Variants in DCHS1 observed in about 807,000 individuals in gnomAD.
DCHS1 encodes dachsous cadherin-related 1.
In DCHS1, 78 loss-of-function variants were observed where a neutral mutation model predicts 213.9. That is an observed-to-expected ratio of 0.36 (90% CI 0.30 to 0.44). DCHS1 has a LOEUF of 0.44. DCHS1 is among the 20% of genes least tolerant of loss of function. The pLI is 1.00. For synonymous variants in DCHS1, 1,828 were observed against 1,873.7 expected (o/e 0.98, Z 0.63); for missense variants, 3,946 against 4,395.9 (o/e 0.90, Z 2.89).
In DCHS1 at chr11:6,655,614, G is replaced by T. The variant is rs1856304732; in HGVS notation, c.-172C>A. 6.1e-6 allele frequency: 6 copies of T among 979,938 alleles called. No individual in the cohort carries two copies. The highest frequency in any genetic ancestry group is 4.7e-5 in the South Asian group (1 of 21,266). The allele number at this position is 979,938 out of a possible 1,614,324, so 60.7% of individuals were successfully genotyped here. A position where few individuals can be genotyped will look rare whatever the true frequency, so the allele number is the denominator to read the frequency against. ...CGGTGCTGGGGCGCCGTCCGGCCGC[G>T]GTCAGCCCCCCGGGCAGCGCCCGCT... On this transcript the variant is annotated 5_prime_UTR_variant, in exon 1 of 21. Coordinates refer to ENST00000299441, the MANE Select transcript of DCHS1 (RefSeq NM_003737.4).
At chr11:6,647,520 T>C (rs71472604) in intron 1 of DCHS1, among the ~76,000 whole-genome samples, 7,382 of 152,186 alleles carry the variant, frequency 0.049, 253 homozygotes, top group Non-Finnish European at 0.067. Flanking sequence ...TGAGGACAGA[T>C]GTGAGCAAAA....
chr11:6,631,122 A>G lies in DCHS1; in HGVS notation c.3861T>C (p.Tyr1287=). 3 of 1,613,532 alleles carry G rather than the reference A, an allele frequency of 1.9e-6. No homozygotes were observed. The highest frequency in any genetic ancestry group is 1.7e-6 in the Non-Finnish European group (2 of 1,179,614). ...GGTCATGAGCACTCAGTGTCAGCAC[A>G]TAGTGGGGCCGCTCTGCTCGGATCA... ...APLIRAERPH[Y]VLTLSAHDQG... is the part of the protein sequence containing the mutation. The change falls in exon 9 of 21, where the codon TAT becomes TAC. Residue 1287 remains tyrosine (Y), a synonymous_variant. Coordinates refer to ENST00000299441, the MANE Select transcript of DCHS1 (RefSeq NM_003737.4).
At position 6,623,377 on chromosome 11, in the gene DCHS1, A is replaced by G. The variant is rs765133574; in HGVS notation, c.8299T>C (p.Leu2767=). Residue 2767 remains leucine, a synonymous_variant, in exon 21 of 21, where the codon TTG becomes CTG. Transcript: ENST00000299441. ...TAGTCAAAGGGCACTCGCGCACGCA[A>G]CTCCCCTGTTGAGCTGTTCAGTGCA... is the stretch of plus-strand genomic sequence containing the variant. ...AFALNSSTGE[L]RARVPFDYEH... is the part of the protein sequence containing the mutation. 1.9e-6 allele frequency: 3 copies of G among 1,598,096 alleles called. No individual in the cohort carries two copies. In the Admixed American group the frequency reaches 5.2e-5, roughly 28 times the overall value.
rs893253869 is a variant in DCHS1, at chr11:6,626,995, G to A, written c.6044C>T (p.Ser2015Phe). 2 of 1,613,672 alleles carry A rather than the reference G, an allele frequency of 1.2e-6. No homozygotes were observed. The highest frequency in any genetic ancestry group is 3.3e-5 in the Admixed American group (2 of 60,000). The change falls in exon 14 of 21, where the codon TCT becomes TTT. Residue 2015 changes from serine to phenylalanine, a missense_variant. Physicochemically the swap from Ser to Phe is radical, Grantham distance 155 (BLOSUM62 -2). Transcript: ENST00000299441. This position sits in a 1 kb window ranked among gnomAD's most constrained non-coding sequence, Gnocchi z 5.2. ...GTPPPGTTVDSYTGEIRVARS... is the reference protein window; with the variant it reads ...GTPPPGTTVDFYTGEIRVARS... ...GGCCACGCGGATTTCACCAGTGTAA[G>A]AGTCCACAGTAGTGCCAGGAGGTGG...
rs1305990073 is a variant in DCHS1 at position 6,630,558 on chromosome 11, C to A, written c.4236G>T (p.Pro1412=). 6.5e-7 allele frequency: 1 copy of A among 1,536,456 alleles called. No individual in the cohort carries two copies. The highest frequency in any genetic ancestry group is 2.4e-5 in the East Asian group (1 of 40,876). ...GCAGCAGCCGCGCGCCCGCGCCTCC[C>A]GGCCCCTCAGCGCGTACCGTAAGCG... is the stretch of plus-strand genomic sequence containing the variant. ...WRALTVRAEG[P]GGAGARLLRV... Residue 1412 remains proline, a synonymous_variant, in exon 10 of 21, where the codon CCG becomes CCT. Transcript: ENST00000299441.
In DCHS1 at chr11:6,630,821, C is replaced by G; in HGVS notation, c.3973G>C (p.Ala1325Pro). ...ACTGGTGCCGCTGGGTCCCGCTCTG[C>G]GAGATCTGGGGGCGGCTCGGCCAAG... ...ARLAEPPPDL[A>P]ERDPAAPVPV... The change falls in exon 10 of 21, where the codon GCA (alanine) becomes CCA (proline). Residue 1325 changes from alanine (A) to proline (P), a missense_variant. Around this residue, in one of 3 missense-constraint regions of DCHS1, gnomAD observed 3,384 missense variants for 3,780.1 expected, o/e 0.90. Coordinates refer to ENST00000299441, the MANE Select transcript of DCHS1 (RefSeq NM_003737.4). The G allele has an allele frequency of 6.5e-7, 1 of 1,533,436 alleles. No homozygotes were observed. The highest frequency in any genetic ancestry group is 8.8e-7 in the Non-Finnish European group (1 of 1,137,040). The allele number at this position is 1,533,436 out of a possible 1,614,324, so 95.0% of individuals were successfully genotyped here.
chr11:6,622,423 C>A lies in DCHS1; in HGVS notation c.9253G>T (p.Ala3085Ser), dbSNP rs1474141983. 2 of 1,554,916 alleles carry A rather than the reference C, an allele frequency of 1.3e-6. No homozygotes were observed. Among genetic ancestry groups the A allele is most frequent in the East Asian group, 2.4e-5 (1 of 42,090 alleles). ...GLSDTSCEPP[A>S]PDTWYKGRKA... ...CGGCCCTTATACCAGGTGTCAGGGGCAGGTGGTTCGCAGGATGTGTCACTC... is the reference window on the plus strand; with the variant it reads ...CGGCCCTTATACCAGGTGTCAGGGGAAGGTGGTTCGCAGGATGTGTCACTC... Residue 3085 changes from alanine (A) to serine (S), a missense_variant, in exon 21 of 21, where the codon GCC (alanine) becomes TCC (serine). Ala to Ser is a moderately conservative substitution (Grantham distance 99, BLOSUM62 1). Transcript: ENST00000299441. This position sits in a 1 kb window ranked among gnomAD's most constrained non-coding sequence, Gnocchi z 5.4.
rs1457582941 is a variant in DCHS1 at position 6,640,924 on chromosome 11, A to G, written c.690T>C (p.Gly230=). The G allele has an allele frequency of 1.9e-6, 3 of 1,613,832 alleles. No individual in the cohort carries two copies. Among genetic ancestry groups the G allele is most frequent in the Admixed American group, 1.7e-5 (1 of 60,002 alleles). The change falls in exon 2 of 21, where the codon GGT becomes GGC. Residue 230 remains glycine (G), a synonymous_variant. Coordinates refer to ENST00000299441, the MANE Select transcript of DCHS1 (RefSeq NM_003737.4). This position sits in a 1 kb window ranked among gnomAD's most constrained non-coding sequence, Gnocchi z 6.5. ...HYMLQLEAYD[G]GSPPRRAQAL... is the part of the protein sequence containing the mutation. ...CCTGGGCCCTCCGGGGGGGTGAACCACCATCATAGGCCTCCAGCTGTAGCA... is the reference window on the plus strand; with the variant it reads ...CCTGGGCCCTCCGGGGGGGTGAACCGCCATCATAGGCCTCCAGCTGTAGCA...
rs763089872 is a variant in DCHS1, at chr11:6,640,225, A to G, written c.1389T>C (p.Thr463=). Residue 463 remains threonine (T), a synonymous_variant, in exon 2 of 21, where the codon ACT becomes ACC. Coordinates refer to ENST00000299441, the MANE Select transcript of DCHS1 (RefSeq NM_003737.4). This position sits in a 1 kb window ranked among gnomAD's most constrained non-coding sequence, Gnocchi z 6.5. ...RAEAAFVLHV[T]DVNDNAPAFD... is the part of the protein sequence containing the mutation. ...AGGCAGGTGCATTGTCGTTGACATC[A>G]GTGACGTGCAGCACAAAGGCAGCCT... 6.2e-7 allele frequency: 1 copy of G among 1,612,848 alleles called. No individual in the cohort carries two copies. Among genetic ancestry groups the G allele is most frequent in the Non-Finnish European group, 8.5e-7 (1 of 1,179,444 alleles).
intron 1 of DCHS1, among the ~76,000 whole-genome samples, chr11:6,654,617 G>A (rs1449205521): frequency 1.3e-5 from 2 of 152,008 alleles, no homozygotes; most frequent in African/African-American, 4.8e-5. Flanking sequence ...GGTGTGTGTT[G>A]GTTCTGACTG....
Position 6,631,160 on chromosome 11 carries a change from TGAG to T in DCHS1, c.3820_3822del (p.Leu1274del). On this transcript the variant is annotated inframe_deletion, in exon 9 of 21. Transcript: ENST00000299441. Reference sequence around the variant, plus strand: ...TCTGCTCGGATCAGGGGAGCTGCAGTGAGCAGCTCCCCTGAGTGAGGGTGCAGA... The same window carrying T: ...TCTGCTCGGATCAGGGGAGCTGCAGTCAGCTCCCCTGAGTGAGGGTGCAGA... The T allele has an allele frequency of 6.2e-7, 1 of 1,611,268 alleles. No homozygotes were observed. The highest frequency in any genetic ancestry group is 8.5e-7 in the Non-Finnish European group (1 of 1,178,350).
intron 5 of DCHS1, 96 bp from the exon 6 acceptor site, chr11:6,633,152 A>G: frequency 4.2e-6 from 6 of 1,415,152 alleles, no homozygotes; most frequent in Non-Finnish European, 5.8e-6. Flanking sequence ...GGCAGTGCCC[A>G]CACCCATGCC....
In DCHS1 at chr11:6,626,417, T is replaced by A; in HGVS notation, c.6365-37A>T. 1.2e-6 allele frequency: 2 copies of A among 1,607,986 alleles called. No individual in the cohort carries two copies. The highest frequency in any genetic ancestry group is 1.7e-6 in the Non-Finnish European group (2 of 1,176,418). Reference sequence around the variant, plus strand: ...AGAATGCATCAGTGATAGCCCCCTTTGCTTGCCCTGGAGCCTCCTTCTCTA... The same window carrying A: ...AGAATGCATCAGTGATAGCCCCCTTAGCTTGCCCTGGAGCCTCCTTCTCTA... On this transcript the variant is annotated intron_variant, in intron 15 of 20. Transcript: ENST00000299441. This position sits in a 1 kb window ranked among gnomAD's most constrained non-coding sequence, Gnocchi z 5.2.
rs776054568 is a variant in DCHS1 at position 6,641,388 on chromosome 11, G to C, written c.226C>G (p.Leu76Val). The C allele has an allele frequency of 2.5e-6, 4 of 1,613,226 alleles. No homozygotes were observed. The highest frequency in any genetic ancestry group is 2.5e-6 in the Non-Finnish European group (3 of 1,179,834). The change falls in exon 2 of 21, where the codon CTC (leucine) becomes GTC (valine). Residue 76 changes from leucine (L) to valine (V), a missense_variant. Transcript: ENST00000299441. The surrounding 1 kb of genome is among the most constrained non-coding windows in gnomAD (Gnocchi z 7.1). ...TCTTGGGCAGAGATGAAGTACATGAGAGGAGCTGCCGTGCCTGCCGGAAGC... is the reference window on the plus strand; with the variant it reads ...TCTTGGGCAGAGATGAAGTACATGACAGGAGCTGCCGTGCCTGCCGGAAGC... Reference protein sequence around the residue: ...AGLPAGTAAPLMYFISAQEGS... With the variant: ...AGLPAGTAAPVMYFISAQEGS...
At chr11:6,630,890 G>A in intron 9 of DCHS1, 27 bp from the exon 10 acceptor site, 1 of 1,501,752 alleles carries the variant, frequency 6.7e-7, no homozygotes, top group Non-Finnish European at 8.9e-7. Flanking sequence ...AGGGAGAACA[G>A]AATTGTGAGG....
chr11:6,640,954 G>A lies in DCHS1; in HGVS notation c.660C>T (p.His220=), dbSNP rs1856063576. Residue 220 remains histidine, a synonymous_variant, in exon 2 of 21, where the codon CAC becomes CAT. Transcript: ENST00000299441. This position sits in a 1 kb window ranked among gnomAD's most constrained non-coding sequence, Gnocchi z 6.5. The part of the protein sequence containing the change: ...TGELDRENRS[H]YMLQLEAYDG... ...CATAGGCCTCCAGCTGTAGCATATA[G>A]TGTGAGCGGTTCTCTCGGTCCAGTT... 2 of 1,614,044 alleles carry A rather than the reference G, an allele frequency of 1.2e-6. No individual in the cohort carries two copies. The highest frequency in any genetic ancestry group is 1.3e-5 in the African/African-American group (1 of 75,066).
Position 6,633,435 on chromosome 11 carries a change from A to T in DCHS1, c.2432T>A (p.Ile811Lys). The change falls in exon 5 of 21, where the codon ATA becomes AAA. Residue 811 changes from isoleucine to lysine, a missense_variant. By Grantham distance (102) the Ile-to-Lys change is moderately radical. Transcript: ENST00000299441. ...EDVAPGTSVG[I>K]VQAHNPPGRL... ...ACCTGGTGGGTTGTGTGCCTGGACT[A>T]TGCCCACACTGGTGCCTGGTGCCAC... 1 of 1,560,948 alleles carries T rather than the reference A, an allele frequency of 6.4e-7. No homozygotes were observed. The highest frequency in any genetic ancestry group is 1.2e-5 in the South Asian group (1 of 84,638).
In DCHS1 at chr11:6,625,353, C is replaced by T. The variant is rs7924553; in HGVS notation, c.6991G>A (p.Val2331Ile). 26,753 of 1,613,656 alleles carry T rather than the reference C, an allele frequency of 0.017. 630 individuals are homozygous for T. Among genetic ancestry groups the T allele is most frequent in the African/African-American group, 0.1 (7,746 of 75,004 alleles). ...PFSVGRYGGR[V>I]SLTGPLDFEQ... Reference sequence around the variant, plus strand: ...AAGTCCAGGGGCCCCGTGAGGGAGACACGGCCTCCATAGCGGCCAACACTG... The same window carrying T: ...AAGTCCAGGGGCCCCGTGAGGGAGATACGGCCTCCATAGCGGCCAACACTG... The change falls in exon 19 of 21, where the codon GTC becomes ATC. Residue 2331 changes from valine (V) to isoleucine (I), a missense_variant. Val to Ile is a conservative substitution (Grantham distance 29). Around this residue, in one of 3 missense-constraint regions of DCHS1, gnomAD observed 3,384 missense variants for 3,780.1 expected, o/e 0.90. Transcript: ENST00000299441. This position sits in a 1 kb window ranked among gnomAD's most constrained non-coding sequence, Gnocchi z 5.3.
At chr11:6,630,978 C>G (rs541214610) in intron 9 of DCHS1, 75 bp downstream of exon 9, 204 of 1,531,898 alleles carry the variant, frequency 1.3e-4, no homozygotes, top group Admixed American at 2.1e-4. Context: ...CTAGTGGAGC[C>G]AAAGGATTCC....
Sources: gnomAD v4.1 joint callset for allele counts (sites outside exome capture counted in the v4.1 genomes callset) on GRCh38, gnomAD v4.1.1 for gene constraint, gnomAD v4.1.1 regional missense constraint, Gnocchi (gnomAD v3.1) non-coding constraint, MANE v1.5 for transcripts, NCBI Gene and HGNC (gene_info 2026-07-23, HGNC 2026-07-21) for gene names.